Variants in CTNNA1 observed in about 807,000 individuals in gnomAD.
CTNNA1 encodes the protein catenin alpha 1.
Under a neutral mutation model 98.4 loss-of-function variants are expected in CTNNA1, and 37 were observed. That is an observed-to-expected ratio of 0.38 (90% CI 0.29 to 0.49). The LOEUF is 0.49. CTNNA1 is among the 20% of genes least tolerant of loss of function. The pLI, the probability that CTNNA1 is intolerant of heterozygous loss-of-function variation, is 0.95. For synonymous variants in CTNNA1, 404 were observed against 413.2 expected, an observed-to-expected ratio of 0.98 and a Z score of 0.27; for missense variants, 761 against 1,147.2, an observed-to-expected ratio of 0.66 and a Z score of 4.86.
chr5:138,818,000 C>A (rs1241040031), intron 5 of CTNNA1, among the ~76,000 whole-genome samples: 1 of 151,914 alleles, frequency 6.6e-6, no homozygotes, highest in African/African-American at 2.4e-5. Flanking sequence ...GATTCTTGAG[C>A]CTTAGCCCCG....
At chr5:138,857,014 A>T (rs1763787185) in intron 7 of CTNNA1, among the ~76,000 whole-genome samples, 1 of 152,064 alleles carries the variant, frequency 6.6e-6, no homozygotes, top group African/African-American at 2.4e-5. Flanking sequence ...TTTTTCCCTC[A>T]TGCCCCAGTC....
intron 6 of CTNNA1, among the ~76,000 whole-genome samples, chr5:138,826,668 A>T (rs1287349945): frequency 6.6e-6 from 1 of 152,254 alleles, no homozygotes; most frequent in Non-Finnish European, 1.5e-5. Flanking sequence ...ACATAACAGG[A>T]TAAATTTGAG....
intron 4 of CTNNA1, among the ~76,000 whole-genome samples, chr5:138,811,676 G>T (rs1276470158): frequency 6.6e-6 from 1 of 152,040 alleles, no homozygotes; most frequent in Non-Finnish European, 1.5e-5. Context: ...GGCACCTCTG[G>T]AGGCCGAGGC....
chr5:138,866,054 T>C (rs544597731), intron 7 of CTNNA1, among the ~76,000 whole-genome samples: 2 of 152,266 alleles, frequency 1.3e-5, no homozygotes, highest in African/African-American at 2.4e-5. Context: ...CGAACGCCTG[T>C]AATCCCAACT....
intron 9 of CTNNA1, among the ~76,000 whole-genome samples, chr5:138,893,056 T>C (rs1478277980): frequency 6.6e-6 from 1 of 152,112 alleles, no homozygotes; most frequent in African/African-American, 2.4e-5. Flanking sequence ...TTAAAAATTC[T>C]TCAGTGGCTC....
intron 1 of CTNNA1, among the ~76,000 whole-genome samples, chr5:138,755,696 C>G (rs769015266): frequency 5.9e-5 from 9 of 152,130 alleles, no homozygotes; most frequent in Non-Finnish European, 1.2e-4. Flanking sequence ...TCCTGACCCA[C>G]ATGGTCACCT....
chr5:138,772,071 C>T (rs1247444753), intron 1 of CTNNA1, among the ~76,000 whole-genome samples: 2 of 152,120 alleles, frequency 1.3e-5, no homozygotes, highest in Admixed American at 1.3e-4. Flanking sequence ...GGAGAAGGTA[C>T]GTAGTTCTTT....
chr5:138,932,129 A>G, intron 16 of CTNNA1: 1 of 989,748 alleles, frequency 1.0e-6, no homozygotes, highest in Non-Finnish European at 1.2e-6. Context: ...AGTGCCTCAG[A>G]GCAGAAGAGT....
At chr5:138,781,002 GT>G (rs1755032922) in intron 1 of CTNNA1, among the ~76,000 whole-genome samples, 1 of 152,150 alleles carries the variant, frequency 6.6e-6, no homozygotes, top group Non-Finnish European at 1.5e-5. Flanking sequence ...TCTGACAGAA[GT>G]TTCTCTTGAC....
chr5:138,757,880 A>G (rs138315956), intron 1 of CTNNA1, among the ~76,000 whole-genome samples: 76 of 152,368 alleles, frequency 5.0e-4, no homozygotes, highest in Non-Finnish European at 9.3e-4. Flanking sequence ...AGGGCCTCCA[A>G]TAACAAATTT....
intron 14 of CTNNA1, 30 bp downstream of exon 14, chr5:138,929,386 C>T: frequency 9.1e-7 from 1 of 1,103,612 alleles, no homozygotes; most frequent in Non-Finnish European, 1.4e-6. Flanking sequence ...GGCAGTTCAG[C>T]TTGTGCTGCC....
Position 138,933,811 on chromosome 5 carries a change from G to A in CTNNA1, c.2443G>A (p.Ala815Thr), listed in dbSNP as rs917387568. ...GELVVSGVDS[A>T]MSLIQAAKNL... ...CCTGTCTGCCTCGTAGGTGGACAGC[G>A]CCATGTCCCTGATCCAGGCAGCCAA... The change falls in exon 18 of 18, where the codon GCC becomes ACC. Residue 815 changes from alanine to threonine, a missense_variant. Around this residue, in one of 6 missense-constraint regions of CTNNA1, gnomAD observed 12 missense variants for 47.3 expected, o/e 0.25. Transcript: ENST00000302763. The A allele has an allele frequency of 1.9e-6, 3 of 1,613,098 alleles. No homozygotes were observed. The highest frequency in any genetic ancestry group is 1.3e-5 in the African/African-American group (1 of 74,882).
At chr5:138,816,345 T>C (rs1371445564) in intron 5 of CTNNA1, among the ~76,000 whole-genome samples, 1 of 152,250 alleles carries the variant, frequency 6.6e-6, no homozygotes, top group Non-Finnish European at 1.5e-5. Flanking sequence ...AACACAGGAA[T>C]GCATGTCTCT....
At chr5:138,810,985 C>G (rs1338771624) in intron 4 of CTNNA1, among the ~76,000 whole-genome samples, 11 of 151,710 alleles carry the variant, frequency 7.3e-5, no homozygotes, top group African/African-American at 2.4e-4. Context: ...CCCCCACCTC[C>G]CTCCCGGACG....
At chr5:138,809,241 A>T (rs1322377489) in intron 3 of CTNNA1, among the ~76,000 whole-genome samples, 1 of 152,210 alleles carries the variant, frequency 6.6e-6, no homozygotes. Context: ...GCTAGTTTTT[A>T]AAAAATTATA....
intron 9 of CTNNA1, among the ~76,000 whole-genome samples, chr5:138,892,496 G>A (rs1030424646): frequency 4.0e-5 from 6 of 151,078 alleles, no homozygotes; most frequent in Non-Finnish European, 5.9e-5. Flanking sequence ...CTGCTGTCAC[G>A]CCTGGCCATT....
At chr5:138,879,171 TAAAAAAAAAA>T (rs35271091) in intron 7 of CTNNA1, among the ~76,000 whole-genome samples, 9 of 80,316 alleles carry the variant, frequency 1.1e-4, no homozygotes, top group East Asian at 4.1e-4. Context: ...ACTCCGTCTT[TAAAAAAAAAA>T]AAAAAAAAAA....
At chr5:138,879,193 AAAAG>A (rs1395861402) in intron 7 of CTNNA1, among the ~76,000 whole-genome samples, 25 of 151,464 alleles carry the variant, frequency 1.7e-4, no homozygotes, top group African/African-American at 5.6e-4. Context: ...AAAAAAAAAA[AAAAG>A]CCATTTTTAG....
intron 11 of CTNNA1, among the ~76,000 whole-genome samples, chr5:138,924,103 G>T (rs1763468038): frequency 6.6e-6 from 1 of 152,230 alleles, no homozygotes; most frequent in Non-Finnish European, 1.5e-5. Flanking sequence ...AGGGAGAGGG[G>T]ACAGTGGACT....
Sources: allele counts gnomAD v4.1 joint callset (sites outside exome capture counted in the v4.1 genomes callset), GRCh38; gene constraint gnomAD v4.1.1; regional missense constraint gnomAD v4.1.1; transcripts MANE v1.5; gene names NCBI Gene and HGNC (gene_info 2026-07-23, HGNC 2026-07-21).